Variants in CFDP1 observed in about 807,000 individuals in gnomAD.
CFDP1 encodes the protein chromatin remodeling protein CFDP1.
CFDP1 carries 31 observed loss-of-function variants against 40.1 expected under a neutral mutation model. The ratio of observed to expected loss-of-function variants is 0.77; its 90% CI spans 0.58 to 1.04. The LOEUF (loss-of-function observed/expected upper bound fraction) is 1.04. Among genes scored for constraint, CFDP1 ranks in the 50% least tolerant of loss-of-function variants. The pLI is 0.00. For synonymous variants in CFDP1, 167 were observed against 120.0 expected (o/e 1.39, Z -2.56); for missense variants, 423 against 343.4 (o/e 1.23, Z -1.83).
At chr16:75,352,701 T>A (rs1433331967) in intron 5 of CFDP1, among the ~76,000 whole-genome samples, 1 of 152,192 alleles carries the variant, frequency 6.6e-6, no homozygotes, top group Non-Finnish European at 1.5e-5. Flanking sequence ...CCGTACAAAC[T>A]ACTCTGAGTA....
At chr16:75,294,565 G>T (rs2078168613) in intron 6 of CFDP1, among the ~76,000 whole-genome samples, 1 of 152,196 alleles carries the variant, frequency 6.6e-6, no homozygotes, top group Non-Finnish European at 1.5e-5. Flanking sequence ...TGACCTCACA[G>T]GACTGCAGTG....
At chr16:75,301,056 T>A (rs746042610) in intron 6 of CFDP1, among the ~76,000 whole-genome samples, 1 of 152,100 alleles carries the variant, frequency 6.6e-6, no homozygotes, top group Non-Finnish European at 1.5e-5. Flanking sequence ...AGCTTTCCAG[T>A]AAGGCCTGAG....
intron 5 of CFDP1, among the ~76,000 whole-genome samples, chr16:75,334,541 GGGA>G (rs1567648849): frequency 6.6e-6 from 1 of 151,518 alleles, no homozygotes; most frequent in African/African-American, 2.4e-5. Context: ...CTATAAAGGA[GGGA>G]GGAAGAGAGA....
intron 4 of CFDP1, among the ~76,000 whole-genome samples, chr16:75,399,079 A>G (rs1221997005): frequency 2.9e-5 from 4 of 140,254 alleles, no homozygotes; most frequent in African/African-American, 1.0e-4. Flanking sequence ...AAAAAAAAAA[A>G]GAAAACCTGT....
chr16:75,432,926 C>A (rs1423396721), intron 1 of CFDP1, among the ~76,000 whole-genome samples: 1 of 152,176 alleles, frequency 6.6e-6, no homozygotes, highest in Non-Finnish European at 1.5e-5. Flanking sequence ...CTCTCTCGGG[C>A]CAGGGCTGAA....
chr16:75,379,356 G>C (rs1422183308), intron 5 of CFDP1, among the ~76,000 whole-genome samples: 1 of 151,108 alleles, frequency 6.6e-6, no homozygotes, highest in African/African-American at 2.4e-5. Context: ...GAGAGAGAGA[G>C]AGAAGGCACA....
intron 5 of CFDP1, among the ~76,000 whole-genome samples, chr16:75,394,140 C>A (rs2078977074): frequency 6.6e-6 from 1 of 152,148 alleles, no homozygotes; most frequent in African/African-American, 2.4e-5. Flanking sequence ...CAATATCTGA[C>A]TGAAGGGCCA....
At chr16:75,410,249 T>C (rs1193718513) in intron 4 of CFDP1, among the ~76,000 whole-genome samples, 3 of 152,136 alleles carry the variant, frequency 2.0e-5, no homozygotes, top group African/African-American at 7.2e-5. Flanking sequence ...AAAATCAATG[T>C]AACTGCCTAT....
intron 5 of CFDP1, among the ~76,000 whole-genome samples, chr16:75,332,750 A>G (rs1048249852): frequency 6.7e-6 from 1 of 149,142 alleles, no homozygotes; most frequent in Non-Finnish European, 1.5e-5. Context: ...CATATTTCAG[A>G]TATATATTTT....
At chr16:75,402,431 T>C (rs114410398) in intron 4 of CFDP1, among the ~76,000 whole-genome samples, 121 of 152,264 alleles carry the variant, frequency 7.9e-4, no homozygotes, top group African/African-American at 2.8e-3. Flanking sequence ...TAGGGCAGAA[T>C]ACAAAATACT....
At chr16:75,338,574 G>A (rs529577345) in intron 5 of CFDP1, among the ~76,000 whole-genome samples, 1 of 152,330 alleles carries the variant, frequency 6.6e-6, no homozygotes, top group Non-Finnish European at 1.5e-5. Flanking sequence ...TGCGTCTAGT[G>A]ATGTCACTGC....
At chr16:75,429,117 G>T (rs180684137) in intron 1 of CFDP1, among the ~76,000 whole-genome samples, 1 of 150,574 alleles carries the variant, frequency 6.6e-6, no homozygotes, top group Non-Finnish European at 1.5e-5. Context: ...AGTCTGTCTC[G>T]AAAAAAAAGA....
At chr16:75,304,157 C>T (rs1465506160) in intron 6 of CFDP1, among the ~76,000 whole-genome samples, 5 of 152,154 alleles carry the variant, frequency 3.3e-5, no homozygotes, top group Non-Finnish European at 5.9e-5. Flanking sequence ...CAACCTCCAC[C>T]TAGTGGGTTC....
At chr16:75,419,887 C>G (rs916399627) in intron 1 of CFDP1, among the ~76,000 whole-genome samples, 3 of 152,126 alleles carry the variant, frequency 2.0e-5, no homozygotes. Flanking sequence ...TCTGCTCTGT[C>G]TATGGAGTAG....
At chr16:75,380,546 GAA>G (rs1301278917) in intron 5 of CFDP1, among the ~76,000 whole-genome samples, 1 of 151,310 alleles carries the variant, frequency 6.6e-6, no homozygotes, top group Non-Finnish European at 1.5e-5. Flanking sequence ...TCAATGAAAG[GAA>G]AGAGTTAGGA....
Position 75,347,530 on chromosome 16 carries a change from T to A in CFDP1, c.651-42348A>T, listed in dbSNP as rs1054967480. 2.7e-5 allele frequency among the ~76,000 whole-genome samples: 4 copies of A among 150,866 alleles called. No homozygotes were observed. In the East Asian group the frequency reaches 7.8e-4, roughly 30 times the overall value. On this transcript the variant is annotated intron_variant, in intron 5 of 6. Coordinates refer to ENST00000283882, the MANE Select transcript of CFDP1 (RefSeq NM_006324.3). ...CTGTCTCTACTAAAAATACAAAAAA[T>A]TAGCTGAGTGCAGTGTCAGGCACCT... is the stretch of plus-strand genomic sequence containing the variant.
chr16:75,293,846 C>A lies in CFDP1; in HGVS notation c.*106G>T. ...AACTTCAATGTAGAAAAAAAAAAGA[C>A]CTTGCTGGGAAACAGATGATGAGAA... is the stretch of plus-strand genomic sequence containing the variant. On this transcript the variant is annotated 3_prime_UTR_variant, in exon 7 of 7. Coordinates refer to ENST00000283882, the MANE Select transcript of CFDP1 (RefSeq NM_006324.3). The A allele has an allele frequency of 2.3e-6, 2 of 854,818 alleles. No individual in the cohort carries two copies. Among genetic ancestry groups the A allele is most frequent in the Non-Finnish European group, 3.6e-6 (2 of 549,356 alleles). 53.0% of individuals were successfully genotyped at this position (854,818 alleles called of 1,614,324 possible).
chr16:75,314,975 C>T (rs1252911633), intron 5 of CFDP1, among the ~76,000 whole-genome samples: 1 of 152,162 alleles, frequency 6.6e-6, no homozygotes, highest in Non-Finnish European at 1.5e-5. Context: ...TGGTCTTGAT[C>T]TCCTGACCTC....
At chr16:75,313,967 C>G (rs916872494) in intron 5 of CFDP1, among the ~76,000 whole-genome samples, 4 of 152,152 alleles carry the variant, frequency 2.6e-5, no homozygotes, top group Non-Finnish European at 5.9e-5. Context: ...TCACCGCAAC[C>G]TCCGCCGCCG....
Sources: gnomAD v4.1 joint callset for allele counts (sites outside exome capture counted in the v4.1 genomes callset) on GRCh38, gnomAD v4.1.1 for gene constraint, MANE v1.5 for transcripts, NCBI Gene and HGNC (gene_info 2026-07-23, HGNC 2026-07-21) for gene names.